The following GMNC variants were observed in gnomAD, a reference collection of about 807,000 sequenced individuals.
GMNC encodes geminin coiled-coil domain-containing protein 1.
In GMNC, 16 loss-of-function variants were observed where a neutral mutation model predicts 33.6. The observed-to-expected ratio is 0.48, with a 90% confidence interval of 0.32 to 0.72. The LOEUF (loss-of-function observed/expected upper bound fraction) is 0.72. Ranked by LOEUF, GMNC falls within the 30% of genes least tolerant of loss-of-function variation. GMNC has a pLI of 0.03. For synonymous variants in GMNC, 156 were observed against 147.3 expected (o/e 1.06, Z -0.43); for missense variants, 393 against 388.9 (o/e 1.01, Z -0.09).
intron 3 of GMNC, 194 bp from the exon 4 acceptor site, chr3:190,858,093 C>T: frequency 1.8e-6 from 1 of 563,656 alleles, no homozygotes. Context: ...GCTTTGTGCT[C>T]TGAATGTTCA....
intron 1 of GMNC, 85 bp from the exon 2 acceptor site, chr3:190,860,943 C>T: frequency 2.2e-6 from 2 of 906,336 alleles, no homozygotes; most frequent in Non-Finnish European, 3.3e-6. Context: ...GGGAGAAATA[C>T]CGAAATTACA....
chr3:190,858,938 C>T lies in GMNC; in HGVS notation c.257G>A (p.Arg86Lys). The T allele has an allele frequency of 6.5e-7, 1 of 1,547,576 alleles. No homozygotes were observed. Among genetic ancestry groups the T allele is most frequent in the Non-Finnish European group, 8.7e-7 (1 of 1,143,572 alleles). Residue 86 changes from arginine to lysine, a missense_variant, in exon 3 of 5, where the codon AGA becomes AAA. Coordinates refer to ENST00000442080, the MANE Select transcript of GMNC (RefSeq NM_001146686.3). ...EEAQLSSQLY[R>K]NKQLQDTLVQ... ...CTGACTTACACATACCTGCTTATTTCTGTAGAGCTGAGAGGAAAGCTGAGC... is the reference window on the plus strand; with the variant it reads ...CTGACTTACACATACCTGCTTATTTTTGTAGAGCTGAGAGGAAAGCTGAGC...
chr3:190,844,157 A>T, the GMNC span, among the ~76,000 whole-genome samples: 1 of 152,086 alleles, frequency 6.6e-6, no homozygotes, highest in East Asian at 1.9e-4. Flanking sequence ...TTGCTTTAGG[A>T]GGATAGAAAT....
chr3:190,855,166 G>T lies in GMNC; in HGVS notation c.*129C>A. The T allele has an allele frequency of 1.1e-6, 1 of 891,750 alleles. No individual in the cohort carries two copies. The highest frequency in any genetic ancestry group is 1.7e-6 in the Non-Finnish European group (1 of 597,512). 55.2% of individuals were successfully genotyped at this position (891,750 alleles called of 1,614,324 possible). On this transcript the variant is annotated 3_prime_UTR_variant, in exon 5 of 5. Coordinates refer to ENST00000442080, the MANE Select transcript of GMNC (RefSeq NM_001146686.3). The stretch of plus-strand genomic sequence containing the variant: ...CCTGCAGATTTAAGTGGGTAATTGA[G>T]AGTGACATTTAAAGTGGCAGGAGAC...
At chr3:190,851,233 T>A (rs1390801380), downstream of GMNC, among the ~76,000 whole-genome samples, 11 of 152,230 alleles carry the variant, frequency 7.2e-5, no homozygotes, top group Admixed American at 3.3e-4. Context: ...ATCTGGAACA[T>A]TTAACTGAGG....
At chr3:190,844,433 ATAATT>A in the GMNC span, among the ~76,000 whole-genome samples, 3 of 151,458 alleles carry the variant, frequency 2.0e-5, no homozygotes, top group African/African-American at 7.3e-5. Context: ...GTGTTTTTAA[ATAATT>A]TAATACATAT....
At chr3:190,845,112 A>G in the GMNC span, among the ~76,000 whole-genome samples, 1 of 152,224 alleles carries the variant, frequency 6.6e-6, no homozygotes, top group Non-Finnish European at 1.5e-5. Flanking sequence ...TGTTAGTCCT[A>G]TTGATTGCAG....
At chr3:190,852,030 A>C (rs201686761), downstream of GMNC, among the ~76,000 whole-genome samples, 7 of 135,512 alleles carry the variant, frequency 5.2e-5, no homozygotes, top group East Asian at 1.4e-3. Flanking sequence ...GAAAAACATT[A>C]TATATTTGTA....
chr3:190,862,370 G>A lies in GMNC; in HGVS notation c.3+243C>T, dbSNP rs1306661246. Among the ~76,000 whole-genome samples, 2 of 151,148 alleles carry A rather than the reference G, an allele frequency of 1.3e-5. No homozygotes were observed. Among genetic ancestry groups the A allele is most frequent in the African/African-American group, 4.9e-5 (2 of 40,894 alleles). ...AAAGTAGTAATAACAGAAAGAGAGA[G>A]AGAGGGCGAGAGAGAGAAAGGAGAG... is the stretch of plus-strand genomic sequence containing the variant. On this transcript the variant is annotated intron_variant, in intron 1 of 4. Transcript: ENST00000442080. This position sits in a 1 kb window ranked among gnomAD's most constrained non-coding sequence, Gnocchi z 4.5.
chr3:190,856,532 T>A (rs934909312), intron 4 of GMNC, among the ~76,000 whole-genome samples: 1 of 148,316 alleles, frequency 6.7e-6, no homozygotes, highest in Non-Finnish European at 1.5e-5. Context: ...TTATCATTTA[T>A]AAATGAACTA....
At chr3:190,856,424 T>A (rs984839637) in intron 4 of GMNC, among the ~76,000 whole-genome samples, 4 of 144,730 alleles carry the variant, frequency 2.8e-5, no homozygotes, top group African/African-American at 1.0e-4. Flanking sequence ...TTAATAAATA[T>A]TAATTTATAT....
intron 1 of GMNC, 50 bp from the exon 2 acceptor site, chr3:190,860,908 T>C: frequency 5.9e-6 from 8 of 1,360,068 alleles, no homozygotes; most frequent in Non-Finnish European, 8.0e-6. Context: ...GATGGGGTGA[T>C]GGAGATTTAG....
downstream of GMNC, among the ~76,000 whole-genome samples, chr3:190,847,954 A>T (rs1737577031): frequency 6.6e-6 from 1 of 152,228 alleles, no homozygotes; most frequent in African/African-American, 2.4e-5. Context: ...ACTGGTGGAT[A>T]TGCATCAAGA....
Position 190,861,855 on chromosome 3 carries a change from TA to T in GMNC, c.3+757del, listed in dbSNP as rs1318483982. ...AATTATTTGTCAATGTTTAATCAGG[TA>T]AAAGCCATTCATTTTAGCAGAGCCC... On this transcript the variant is annotated intron_variant, in intron 1 of 4. Coordinates refer to ENST00000442080, the MANE Select transcript of GMNC (RefSeq NM_001146686.3). The surrounding 1 kb of genome is among the most constrained non-coding windows in gnomAD (Gnocchi z 5.1). Among the ~76,000 whole-genome samples, 31 of 152,260 alleles carry T rather than the reference TA, an allele frequency of 2.0e-4. No individual in the cohort carries two copies. Among genetic ancestry groups the T allele is most frequent in the African/African-American group, 7.0e-4 (29 of 41,552 alleles).
rs577459667 is a variant in GMNC at position 190,853,893 on chromosome 3, G to A, written c.*1402C>T. The A allele has an allele frequency of 5.1e-4, 78 of 152,134 alleles. No homozygotes were observed. The highest frequency in any genetic ancestry group is 1.7e-3 in the African/African-American group (69 of 41,504). The allele number at this position is 152,134 out of a possible 1,614,324, so 9.4% of individuals were successfully genotyped here. ...AGCAATATTTATATGCAATCTATCCGCACTTATTTAAAAATTAATATGTAT... is the reference window on the plus strand; with the variant it reads ...AGCAATATTTATATGCAATCTATCCACACTTATTTAAAAATTAATATGTAT... On this transcript the variant is annotated 3_prime_UTR_variant, in exon 5 of 5. Transcript: ENST00000442080.
chr3:190,854,844 A>T lies in GMNC; in HGVS notation c.*451T>A, dbSNP rs1234310694. 1 of 189,836 alleles carries T rather than the reference A, an allele frequency of 5.3e-6. No individual in the cohort carries two copies. The highest frequency in any genetic ancestry group is 1.1e-5 in the Non-Finnish European group (1 of 89,740). 11.8% of individuals were successfully genotyped at this position (189,836 alleles called of 1,614,324 possible). ...ACCCTCAGCTATTTGAACATGCAGT[A>T]GCAAGTACTTGAAGCAAAAATAGGG... On this transcript the variant is annotated 3_prime_UTR_variant, in exon 5 of 5. Coordinates refer to ENST00000442080, the MANE Select transcript of GMNC (RefSeq NM_001146686.3).
rs1194675262 is a variant in GMNC, at chr3:190,855,071, T to C, written c.*224A>G. ...AGAGGATGTCAATAGCAGGTATTGGTGTGTAAACAAGTCAAATTTAGGTAA... is the reference window on the plus strand; with the variant it reads ...AGAGGATGTCAATAGCAGGTATTGGCGTGTAAACAAGTCAAATTTAGGTAA... On this transcript the variant is annotated 3_prime_UTR_variant, in exon 5 of 5. Transcript: ENST00000442080. 2 of 547,300 alleles carry C rather than the reference T, an allele frequency of 3.7e-6. No homozygotes were observed. The highest frequency in any genetic ancestry group is 6.6e-6 in the Non-Finnish European group (2 of 305,076). The allele number at this position is 547,300 out of a possible 1,614,324, so 33.9% of individuals were successfully genotyped here.
chr3:190,850,217 A>C (rs552742847), downstream of GMNC, among the ~76,000 whole-genome samples: 10 of 152,340 alleles, frequency 6.6e-5, no homozygotes, highest in South Asian at 2.1e-3. Context: ...AAGGTTTAAG[A>C]GTTCCTCCAT....
At chr3:190,850,787 A>C (rs1303867635), downstream of GMNC, among the ~76,000 whole-genome samples, 1 of 152,222 alleles carries the variant, frequency 6.6e-6, no homozygotes, top group African/African-American at 2.4e-5. Context: ...ACCAGGGTTT[A>C]TCTTGGGCCT....
Sources: allele counts gnomAD v4.1 joint callset (sites outside exome capture counted in the v4.1 genomes callset), GRCh38; gene constraint gnomAD v4.1.1; non-coding constraint Gnocchi (gnomAD v3.1); transcripts MANE v1.5; gene names NCBI Gene and HGNC (gene_info 2026-07-23, HGNC 2026-07-21).